SYNJ2: variants seen among roughly 807,000 people sequenced by gnomAD.
SYNJ2 encodes polyphosphatidylinositol phosphatase SYNJ2.
In SYNJ2, 116 loss-of-function variants were observed where a neutral mutation model predicts 141.3. The ratio of observed to expected loss-of-function variants is 0.82; its 90% CI spans 0.71 to 0.96. The LOEUF (loss-of-function observed/expected upper bound fraction) is 0.96, where lower values mean the gene tolerates loss of function less well. SYNJ2 is among the 40% of genes least tolerant of loss of function. The probability of loss-of-function intolerance (pLI) is 0.00; values close to 1 mark genes in which losing one functional copy is unlikely to be tolerated. For synonymous variants in SYNJ2, 745 were observed against 777.7 expected, an observed-to-expected ratio of 0.96 and a Z score of 0.70; for missense variants, 1,873 against 1,934.8, an observed-to-expected ratio of 0.97 and a Z score of 0.60.
intron 25 of SYNJ2, among the ~76,000 whole-genome samples, chr6:158,091,751 T>TA (rs35408343): frequency 0.036 from 3,622 of 100,976 alleles, 159 homozygotes; most frequent in African/African-American, 0.12. Flanking sequence ...CTCTGTCTCA[T>TA]AAAAAAAAAA....
chr6:158,088,034 ATTTTTTTT>A (rs568222551), intron 23 of SYNJ2, among the ~76,000 whole-genome samples: 5 of 31,902 alleles, frequency 1.6e-4, no homozygotes, highest in African/African-American at 4.2e-4. Context: ...CTGCTTTGGA[ATTTTTTTT>A]TTTTTTTTTT....
At position 158,099,118 on chromosome 6, in the gene SYNJ2, T is replaced by C. The variant is rs923230668; in HGVS notation, c.*2754T>C. On this transcript the variant is annotated 3_prime_UTR_variant, in exon 27 of 27. Transcript: ENST00000355585. ...ATAAAATCCTGTAATATTTTTGAAG[T>C]GAAAATTTGTACTGAAATTGTACAT... 11 of 152,228 alleles carry C rather than the reference T, an allele frequency of 7.2e-5. No homozygotes were observed. Among genetic ancestry groups the C allele is most frequent in the African/African-American group, 2.7e-4 (11 of 41,452 alleles). 9.4% of individuals were successfully genotyped at this position (152,228 alleles called of 1,614,324 possible).
At position 158,071,187 on chromosome 6, in the gene SYNJ2, TAAC is replaced by T. The variant is rs2128374933; in HGVS notation, c.1941-412_1941-410del. Among the ~76,000 whole-genome samples, 2 of 152,196 alleles carry T rather than the reference TAAC, an allele frequency of 1.3e-5. No homozygotes were observed. Among genetic ancestry groups the T allele is most frequent in the African/African-American group, 4.8e-5 (2 of 41,544 alleles). On this transcript the variant is annotated intron_variant, in intron 14 of 26. Transcript: ENST00000355585. This position sits in a 1 kb window ranked among gnomAD's most constrained non-coding sequence, Gnocchi z 4.3. ...GACAGAGCGAGACTCTGTCTCAAAA[TAAC>T]AATAATAATTTAAAAATGTGTTGAT...
At position 158,070,911 on chromosome 6, in the gene SYNJ2, G is replaced by T. The variant is rs186277882; in HGVS notation, c.1941-691G>T. Among the ~76,000 whole-genome samples, 1 of 152,182 alleles carries T rather than the reference G, an allele frequency of 6.6e-6. No individual in the cohort carries two copies. The highest frequency in any genetic ancestry group is 1.5e-5 in the Non-Finnish European group (1 of 68,036). On this transcript the variant is annotated intron_variant, in intron 14 of 26. Transcript: ENST00000355585. This position sits in a 1 kb window ranked among gnomAD's most constrained non-coding sequence, Gnocchi z 4.0. Reference sequence around the variant, plus strand: ...TTAAAGTGCATTGATTGCTGGGCACGGTGTCTCACGCCTGTAATCCCAGCA... The same window carrying T: ...TTAAAGTGCATTGATTGCTGGGCACTGTGTCTCACGCCTGTAATCCCAGCA...
At position 158,089,740 on chromosome 6, in the gene SYNJ2, T is replaced by C. The variant is rs944469709; in HGVS notation, c.3457-99T>C. ...TGGAGTTTGTATGGTCAGCATCGTC[T>C]GGTGGAGCCCTGCACAGACCCACGG... On this transcript the variant is annotated intron_variant, in intron 24 of 26. Coordinates refer to ENST00000355585, the MANE Select transcript of SYNJ2 (RefSeq NM_003898.4). 3 of 747,442 alleles carry C rather than the reference T, an allele frequency of 4.0e-6. No individual in the cohort carries two copies. The African/African-American group carries it at 5.2e-5, about 13-fold the overall frequency. The allele number at this position is 747,442 out of a possible 1,614,324, so 46.3% of individuals were successfully genotyped here.
In SYNJ2 at chr6:158,063,866, G is replaced by A. The variant is rs746429081; in HGVS notation, c.1203G>A (p.Ala401=). ...DRTNTVQSFI[A]LEVLHLQLKT... is the part of the protein sequence containing the mutation. ...CCAACACTGTGCAGAGCTTCATCGCGCTCGAGGTGCGTCCCTGCCACAGCC... is the reference window on the plus strand; with the variant it reads ...CCAACACTGTGCAGAGCTTCATCGCACTCGAGGTGCGTCCCTGCCACAGCC... Residue 401 remains alanine, a synonymous_variant, in exon 9 of 27, where the codon GCG becomes GCA. Coordinates refer to ENST00000355585, the MANE Select transcript of SYNJ2 (RefSeq NM_003898.4). 1.5e-5 allele frequency: 25 copies of A among 1,613,132 alleles called. No homozygotes were observed. The highest frequency in any genetic ancestry group is 1.9e-5 in the Non-Finnish European group (22 of 1,179,646).
At chr6:158,028,692 C>A in intron 2 of SYNJ2, 64 bp from the exon 3 acceptor site, 2 of 1,578,424 alleles carry the variant, frequency 1.3e-6, no homozygotes, top group Non-Finnish European at 1.7e-6. Context: ...CATTTGTCCC[C>A]TTGGAGCTCC....
intron 16 of SYNJ2, among the ~76,000 whole-genome samples, chr6:158,075,004 C>T (rs1377199325): frequency 1.1e-5 from 1 of 93,496 alleles, no homozygotes; most frequent in Non-Finnish European, 2.2e-5. Context: ...TATCTTGGCT[C>T]ACTGCAACCT....
At chr6:157,994,145 GT>G (rs1777559415) in intron 1 of SYNJ2, among the ~76,000 whole-genome samples, 1 of 152,060 alleles carries the variant, frequency 6.6e-6, no homozygotes, top group Admixed American at 6.5e-5. Context: ...TTATCTGTCT[GT>G]TTAAACTGTC....
At position 158,005,352 on chromosome 6, in the gene SYNJ2, G is replaced by C. The variant is rs368096642; in HGVS notation, c.128-11852G>C. On this transcript the variant is annotated intron_variant, in intron 1 of 26. Transcript: ENST00000355585. Reference sequence around the variant, plus strand: ...TTGGCCTTCCAAAGTGCTGGGATTAGAGGCGTGAGCCACCACGCCCGGCCC... The same window carrying C: ...TTGGCCTTCCAAAGTGCTGGGATTACAGGCGTGAGCCACCACGCCCGGCCC... Among the ~76,000 whole-genome samples the C allele has an allele frequency of 6.9e-3, 1,054 of 152,194 alleles. 11 individuals are homozygous for C. Among genetic ancestry groups the C allele is most frequent in the African/African-American group, 0.024 (997 of 41,512 alleles).
chr6:158,080,551 C>T (rs145028564), intron 18 of SYNJ2, among the ~76,000 whole-genome samples: 21 of 150,648 alleles, frequency 1.4e-4, no homozygotes, highest in Non-Finnish European at 2.5e-4. Flanking sequence ...AAATGATCAA[C>T]CTCATGCATT....
At chr6:158,008,165 G>T (rs1430679974) in intron 1 of SYNJ2, among the ~76,000 whole-genome samples, 1 of 152,050 alleles carries the variant, frequency 6.6e-6, no homozygotes, top group Non-Finnish European at 1.5e-5. Context: ...GCAACATGGG[G>T]TTTCACCATG....
At position 157,987,966 on chromosome 6, in the gene SYNJ2, G is replaced by A. The variant is rs1777269577; in HGVS notation, c.127+5878G>A. Among the ~76,000 whole-genome samples, 2 of 152,244 alleles carry A rather than the reference G, an allele frequency of 1.3e-5. 1 individual carries two copies. Among genetic ancestry groups the A allele is most frequent in the Admixed American group, 1.3e-4 (2 of 15,290 alleles). On this transcript the variant is annotated intron_variant, in intron 1 of 26. Transcript: ENST00000355585. ...CTGCTGGTGAGCTCGGGAGGACAAG[G>A]TCTGGGCCCTTTGACGGCACTGCCT... is the stretch of plus-strand genomic sequence containing the variant.
intron 8 of SYNJ2, among the ~76,000 whole-genome samples, chr6:158,062,796 GTTTCCT>G (rs1434531140): frequency 1.3e-5 from 2 of 152,150 alleles, no homozygotes; most frequent in African/African-American, 4.8e-5. Context: ...ATTTAAACAA[GTTTCCT>G]TTTTAAGATT....
intron 15 of SYNJ2, among the ~76,000 whole-genome samples, chr6:158,072,119 G>A (rs1057029528): frequency 3.3e-5 from 5 of 152,194 alleles, no homozygotes; most frequent in Non-Finnish European, 7.3e-5. Flanking sequence ...CCATGTCCGT[G>A]GTCTGTCCTG....
intron 25 of SYNJ2, among the ~76,000 whole-genome samples, chr6:158,090,240 C>T (rs1317176549): frequency 2.0e-5 from 3 of 152,162 alleles, no homozygotes; most frequent in Non-Finnish European, 2.9e-5. Context: ...TGAATGCTGC[C>T]GGCATGAAGT....
At chr6:158,073,331 G>A (rs1302748464) in intron 15 of SYNJ2, among the ~76,000 whole-genome samples, 1 of 72,956 alleles carries the variant, frequency 1.4e-5, no homozygotes, top group African/African-American at 5.5e-5. Flanking sequence ...CTGAGTAATT[G>A]GGATTACAGG....
At chr6:158,017,750 TC>T (rs772984249) in intron 2 of SYNJ2, 2 of 532,302 alleles carry the variant, frequency 3.8e-6, no homozygotes, top group South Asian at 2.8e-5. Flanking sequence ...TCTTTATGCC[TC>T]GGGACCTGCT....
chr6:158,059,396 G>T, intron 7 of SYNJ2, 43 bp downstream of exon 7: 2 of 1,545,440 alleles, frequency 1.3e-6, no homozygotes, highest in Non-Finnish European at 1.7e-6. Context: ...TGGGCGGCAG[G>T]TGGCCATGGT....
Sources: allele counts gnomAD v4.1 joint callset (sites outside exome capture counted in the v4.1 genomes callset), GRCh38; gene constraint gnomAD v4.1.1; non-coding constraint Gnocchi (gnomAD v3.1); transcripts MANE v1.5; gene names NCBI Gene and HGNC (gene_info 2026-07-23, HGNC 2026-07-21).